The following RTL4 variants were observed in gnomAD, a reference collection of about 807,000 sequenced individuals.
RTL4 encodes retrotransposon Gag-like protein 4.
Under a neutral mutation model 5.3 loss-of-function variants are expected in RTL4, and 4 were observed. That is an observed-to-expected ratio of 0.75 (90% CI 0.37 to 1.72). The LOEUF is 1.72. RTL4 is among the 40% of genes most tolerant of loss of function. The probability of loss-of-function intolerance (pLI) is 0.04; values close to 1 mark genes in which losing one functional copy is unlikely to be tolerated. For missense variants in RTL4, 260 were observed against 227.1 expected (o/e 1.14, Z -0.93); for synonymous variants, 98 against 87.3 (o/e 1.12, Z -0.68).
the RTL4 span, among the ~76,000 whole-genome samples, chrX:112,288,839 C>G: frequency 1.8e-5 from 2 of 111,428 alleles, no homozygotes; most frequent in African/African-American, 6.5e-5. Context: ...TCATCATCTT[C>G]ATCCAAACAC....
At chrX:112,426,137 T>C in the RTL4 span, among the ~76,000 whole-genome samples, 1 of 111,697 alleles carries the variant, frequency 9.0e-6, no homozygotes, top group Non-Finnish European at 1.9e-5. Flanking sequence ...AGATTCATGA[T>C]TTTTGCATGT....
At chrX:112,243,511 T>A in the RTL4 span, among the ~76,000 whole-genome samples, 2 of 111,755 alleles carry the variant, frequency 1.8e-5, no homozygotes, top group African/African-American at 6.5e-5. Context: ...TCTCTGATGG[T>A]AGTTTGTATT....
the RTL4 span, among the ~76,000 whole-genome samples, chrX:112,438,873 A>G: frequency 8.9e-6 from 1 of 112,245 alleles, no homozygotes; most frequent in Admixed American, 9.5e-5. Flanking sequence ...AGCTTGTTTT[A>G]TGCCACTCAT....
the RTL4 span, among the ~76,000 whole-genome samples, chrX:112,345,123 G>A: frequency 2.5e-4 from 28 of 111,177 alleles, no homozygotes; most frequent in Admixed American, 6.7e-4. Flanking sequence ...ACCATGCAAG[G>A]GGTGGTCTGC....
chrX:112,262,039 A>C, the RTL4 span, among the ~76,000 whole-genome samples: 30 of 111,902 alleles, frequency 2.7e-4, no homozygotes, highest in Non-Finnish European at 4.7e-4. Context: ...TACAAAAATT[A>C]ATTCAAGATG....
the RTL4 span, among the ~76,000 whole-genome samples, chrX:112,181,300 C>G: frequency 2.7e-5 from 3 of 111,446 alleles, no homozygotes; most frequent in Admixed American, 2.9e-4. Flanking sequence ...TTTCCATACC[C>G]CAGTGGCACC....
At chrX:112,264,898 G>A in the RTL4 span, among the ~76,000 whole-genome samples, 3 of 112,862 alleles carry the variant, frequency 2.7e-5, no homozygotes, top group Non-Finnish European at 3.7e-5. Flanking sequence ...CAGTAGCTAT[G>A]TGGTACCCTT....
At chrX:112,442,815 C>T in the RTL4 span, among the ~76,000 whole-genome samples, 24,765 of 109,819 alleles carry the variant, frequency 0.23, 2,147 homozygotes, top group Middle Eastern at 0.28. Flanking sequence ...AGTAGGTGTA[C>T]ATATTTATGG....
the RTL4 span, among the ~76,000 whole-genome samples, chrX:112,110,172 C>G: frequency 1.8e-5 from 2 of 111,945 alleles, no homozygotes; most frequent in Non-Finnish European, 3.8e-5. Flanking sequence ...CAGGCAGTGT[C>G]TCATACTATC....
chrX:112,201,164 C>A, the RTL4 span, among the ~76,000 whole-genome samples: 1 of 110,746 alleles, frequency 9.0e-6, no homozygotes. Context: ...GGAGAAGAGT[C>A]CCTTATAAAA....
chrX:112,329,069 A>G, the RTL4 span, among the ~76,000 whole-genome samples: 1 of 111,132 alleles, frequency 9.0e-6, no homozygotes, highest in African/African-American at 3.3e-5. Flanking sequence ...AAGATCCAAA[A>G]TTGACACCCT....
chrX:112,167,460 T>C, the RTL4 span, among the ~76,000 whole-genome samples: 2 of 111,564 alleles, frequency 1.8e-5, no homozygotes, highest in African/African-American at 6.5e-5. Flanking sequence ...ACTTTGACCT[T>C]GAATTCAAGG....
the RTL4 span, among the ~76,000 whole-genome samples, chrX:112,357,337 C>T: frequency 1.8e-5 from 2 of 111,025 alleles, no homozygotes; most frequent in African/African-American, 6.5e-5. Flanking sequence ...ACTCCCAAGC[C>T]GATCACTGTG....
the RTL4 span, among the ~76,000 whole-genome samples, chrX:112,264,205 T>C: frequency 4.2e-3 from 471 of 112,256 alleles, 5 homozygotes; most frequent in African/African-American, 0.015. Flanking sequence ...TGCAAAGTTC[T>C]ATTCAACAAC....
chrX:112,442,187 T>C, the RTL4 span, among the ~76,000 whole-genome samples: 1 of 111,089 alleles, frequency 9.0e-6, no homozygotes, highest in East Asian at 2.8e-4. Flanking sequence ...TTGAATGTGG[T>C]GTCGGTCACC....
the RTL4 span, among the ~76,000 whole-genome samples, chrX:112,241,585 C>G: frequency 8.9e-6 from 1 of 112,110 alleles, no homozygotes; most frequent in Non-Finnish European, 1.9e-5. Context: ...TTTGTCGATT[C>G]TGGCTATTAG....
At chrX:112,419,636 A>ATGTATATATAT in the RTL4 span, among the ~76,000 whole-genome samples, 1 of 9,722 alleles carries the variant, frequency 1.0e-4, no homozygotes, top group African/African-American at 1.7e-4. Context: ...TAAGTATGTA[A>ATGTATATATAT]ATCTGACTCT....
chrX:112,227,545 A>G, the RTL4 span, among the ~76,000 whole-genome samples: 1 of 111,570 alleles, frequency 9.0e-6, no homozygotes, highest in Non-Finnish European at 1.9e-5. Context: ...GTGCCAGTGG[A>G]TAGCCTACCC....
At chrX:112,151,146 A>T in the RTL4 span, among the ~76,000 whole-genome samples, 14 of 112,395 alleles carry the variant, frequency 1.2e-4, no homozygotes, top group Admixed American at 2.8e-4. Context: ...ATCATTCTCA[A>T]CCAGGTTCAG....
Sources: gnomAD v4.1 joint callset for allele counts (sites outside exome capture counted in the v4.1 genomes callset) on GRCh38, gnomAD v4.1.1 for gene constraint, MANE v1.5 for transcripts, NCBI Gene and HGNC (gene_info 2026-07-23, HGNC 2026-07-21) for gene names.